Variants in ATP7B observed in about 807,000 individuals in gnomAD.
ATP7B encodes copper-transporting ATPase 2.
A neutral mutation model predicts 118.9 loss-of-function variants in ATP7B; 113 were observed. That is an observed-to-expected ratio of 0.95 (90% CI 0.82 to 1.11). The LOEUF (loss-of-function observed/expected upper bound fraction) is 1.11, where lower values mean the gene tolerates loss of function less well. ATP7B is among the 50% of genes most tolerant of loss of function. The probability of loss-of-function intolerance (pLI) is 0.00; values close to 1 mark genes in which losing one functional copy is unlikely to be tolerated. For missense variants in ATP7B, 1,867 were observed against 1,871.4 expected (o/e 1.00, Z 0.04); for synonymous variants, 777 against 727.4 (o/e 1.07, Z -1.10).
intron 7 of ATP7B, 52 bp from the exon 8 acceptor site, chr13:51,958,596 T>C (rs540048040): frequency 1.3e-6 from 2 of 1,537,546 alleles, no homozygotes; most frequent in South Asian, 2.2e-5. Flanking sequence ...GAGAGTTCAA[T>C]GAGCGACACA....
chr13:51,954,306 G>A (rs933067872), intron 9 of ATP7B, among the ~76,000 whole-genome samples: 2 of 152,252 alleles, frequency 1.3e-5, no homozygotes, highest in East Asian at 1.9e-4. Flanking sequence ...GCATGCAGGC[G>A]GATGCCGGGC....
intron 1 of ATP7B, among the ~76,000 whole-genome samples, chr13:51,975,727 C>T (rs1952079931): frequency 3.3e-5 from 5 of 152,214 alleles, no homozygotes; most frequent in South Asian, 2.1e-4. Flanking sequence ...TTCAGGTACA[C>T]GCTCCAAATG....
rs1279248478 is a variant in ATP7B, at chr13:51,964,948, G to A, written c.1793C>T (p.Ala598Val). ...AACAAGGGCTTTGCTGGTGGCAAGG[G>A]CAACGGAGGCATAAGTGATGCCATT... ...RTNGITYASV[A>V]LATSKALVKF... The change falls in exon 5 of 21, where the codon GCC becomes GTC. Residue 598 changes from alanine to valine, a missense_variant. Ala to Val is a moderately conservative substitution (Grantham distance 64). Coordinates refer to ENST00000242839, the MANE Select transcript of ATP7B (RefSeq NM_000053.4). 6.2e-7 allele frequency: 1 copy of A among 1,614,180 alleles called. No homozygotes were observed. The highest frequency in any genetic ancestry group is 8.5e-7 in the Non-Finnish European group (1 of 1,180,026).
chr13:51,940,934 G>A, intron 16 of ATP7B, 147 bp downstream of exon 16: 1 of 1,250,058 alleles, frequency 8.0e-7, no homozygotes, highest in Non-Finnish European at 1.1e-6. Context: ...AAGACAAAAA[G>A]ACAATCTTCT....
intron 1 of ATP7B, among the ~76,000 whole-genome samples, chr13:51,987,134 T>C (rs1216887299): frequency 6.6e-6 from 1 of 152,244 alleles, no homozygotes; most frequent in Non-Finnish European, 1.5e-5. Context: ...AAATTGTCTC[T>C]GTTTGCAGAT....
intron 2 of ATP7B, among the ~76,000 whole-genome samples, chr13:51,971,028 A>AC (rs947315489): frequency 2.0e-5 from 3 of 152,322 alleles, no homozygotes; most frequent in African/African-American, 7.2e-5. Context: ...CCACTGAGCT[A>AC]CCCCGTAACT....
chr13:51,939,102 C>T lies in ATP7B; in HGVS notation c.3648G>A (p.Val1216=). The T allele has an allele frequency of 6.2e-7, 1 of 1,614,222 alleles. No homozygotes were observed. The highest frequency in any genetic ancestry group is 1.3e-5 in the African/African-American group (1 of 75,058). Residue 1216 remains valine (V), a synonymous_variant, in exon 17 of 21, where the codon GTG becomes GTA. Coordinates refer to ENST00000242839, the MANE Select transcript of ATP7B (RefSeq NM_000053.4). ...VHTLQSMGVD[V]VLITGDNRKT... ...TCCGGTTGTCCCCCGTGATCAGAAC[C>T]ACGTCCACACCCATGCTCTGCAGCG...
chr13:52,001,548 C>T (rs1440590017), intron 1 of ATP7B, among the ~76,000 whole-genome samples: 1 of 152,096 alleles, frequency 6.6e-6, no homozygotes, highest in African/African-American at 2.4e-5. Context: ...CTCCAACATC[C>T]CATATCCAAA....
intron 1 of ATP7B, among the ~76,000 whole-genome samples, chr13:51,987,398 C>G (rs983520233): frequency 6.6e-6 from 1 of 152,140 alleles, no homozygotes; most frequent in Non-Finnish European, 1.5e-5. Context: ...AACCACTGCT[C>G]AAGGAAATAA....
At chr13:52,003,184 C>A (rs2140552914) in intron 1 of ATP7B, among the ~76,000 whole-genome samples, 1 of 152,332 alleles carries the variant, frequency 6.6e-6, no homozygotes, top group East Asian at 1.9e-4. Context: ...TAGGTTTCAG[C>A]CTATCTCAGC....
intron 9 of ATP7B, among the ~76,000 whole-genome samples, chr13:51,956,748 T>C (rs1958374341): frequency 6.6e-6 from 1 of 152,092 alleles, no homozygotes; most frequent in African/African-American, 2.4e-5. Flanking sequence ...TTGCCTAGAA[T>C]ATAAAAAAGA....
At position 51,939,104 on chromosome 13, in the gene ATP7B, C is replaced by G; in HGVS notation, c.3646G>C (p.Val1216Leu). The G allele has an allele frequency of 6.2e-7, 1 of 1,614,244 alleles. No homozygotes were observed. Residue 1216 changes from valine (V) to leucine (L), a missense_variant, in exon 17 of 21, where the codon GTG becomes CTG. Transcript: ENST00000242839. ...VHTLQSMGVD[V>L]VLITGDNRKT... ...CGGTTGTCCCCCGTGATCAGAACCA[C>G]GTCCACACCCATGCTCTGCAGCGTG...
chr13:51,970,557 T>G lies in ATP7B; in HGVS notation c.1478A>C (p.Gln493Pro). The G allele has an allele frequency of 1.2e-6, 2 of 1,614,168 alleles. No homozygotes were observed. The highest frequency in any genetic ancestry group is 2.2e-5 in the South Asian group (2 of 91,080). Residue 493 changes from glutamine (Q) to proline (P), a missense_variant, in exon 3 of 21, where the codon CAG (glutamine) becomes CCG (proline). Physicochemically the swap from Gln to Pro is moderately conservative, Grantham distance 76. Coordinates refer to ENST00000242839, the MANE Select transcript of ATP7B (RefSeq NM_000053.4). ...GGATGCACAGGTCATGCCTTTGATC[T>G]GTAAGAAGCACTTCTGCGGTGCCAC... ...RAVAPQKCFLQIKGMTCASCV... is the reference protein window; with the variant it reads ...RAVAPQKCFLPIKGMTCASCV...
At position 51,957,436 on chromosome 13, in the gene ATP7B, C is replaced by A. The variant is rs558284546; in HGVS notation, c.2447+80G>T. On this transcript the variant is annotated intron_variant, in intron 9 of 20. Coordinates refer to ENST00000242839, the MANE Select transcript of ATP7B (RefSeq NM_000053.4). The stretch of plus-strand genomic sequence containing the variant: ...ACACTCACAAGGTCTATTGCAATGT[C>A]AATACAACATGGGCATCTGATGCAG... 6 of 1,400,282 alleles carry A rather than the reference C, an allele frequency of 4.3e-6. No individual in the cohort carries two copies. In the South Asian group the frequency reaches 7.0e-5, roughly 16 times the overall value. The allele number at this position is 1,400,282 out of a possible 1,614,324, so 86.7% of individuals were successfully genotyped here.
intron 9 of ATP7B, among the ~76,000 whole-genome samples, chr13:51,954,680 C>T (rs1289721360): frequency 1.3e-5 from 2 of 152,052 alleles, no homozygotes; most frequent in Admixed American, 1.3e-4. Flanking sequence ...GGTACCTTTG[C>T]CTGAGACAGA....
intron 15 of ATP7B, 88 bp from the exon 16 acceptor site, chr13:51,941,312 C>T: frequency 2.0e-6 from 3 of 1,518,132 alleles, no homozygotes; most frequent in South Asian, 2.3e-5. Context: ...GCAAAATATC[C>T]TTTTAACCAT....
At chr13:51,950,227 C>A in intron 10 of ATP7B, 45 bp downstream of exon 10, 1 of 1,614,212 alleles carries the variant, frequency 6.2e-7, no homozygotes, top group South Asian at 1.1e-5. Context: ...GACCTGACAG[C>A]TGCTATGATA....
In ATP7B at chr13:51,965,000, T is replaced by C; in HGVS notation, c.1741A>G (p.Asn581Asp). Residue 581 changes from asparagine (N) to aspartate (D), a missense_variant, in exon 5 of 21, where the codon AAC (asparagine) becomes GAC (aspartate). Coordinates refer to ENST00000242839, the MANE Select transcript of ATP7B (RefSeq NM_000053.4). ...TGMTCASCVH[N>D]IESKLTRTNG... Reference sequence around the variant, plus strand: ...GTCCTCGTGAGTTTGGACTCTATGTTGTGGACACAGGACGCGCAGGTCATC... The same window carrying C: ...GTCCTCGTGAGTTTGGACTCTATGTCGTGGACACAGGACGCGCAGGTCATC... 6.2e-7 allele frequency: 1 copy of C among 1,614,138 alleles called. No individual in the cohort carries two copies. The highest frequency in any genetic ancestry group is 1.1e-5 in the South Asian group (1 of 91,088).
In ATP7B at chr13:51,947,069, G is replaced by A. The variant is rs144308670; in HGVS notation, c.2866-591C>T. On this transcript the variant is annotated intron_variant, in intron 12 of 20. Transcript: ENST00000242839. ...GATAAAAAATGGAAACAACCAATAC[G>A]GAATTGGTTAATTAAACTGTAGGTG... Among the ~76,000 whole-genome samples, 332 of 152,252 alleles carry A rather than the reference G, an allele frequency of 2.2e-3. 2 individuals are homozygous for A. The highest frequency in any genetic ancestry group is 7.1e-3 in the African/African-American group (294 of 41,530).
Sources: gnomAD v4.1 joint callset for allele counts (sites outside exome capture counted in the v4.1 genomes callset) on GRCh38, gnomAD v4.1.1 for gene constraint, MANE v1.5 for transcripts, NCBI Gene and HGNC (gene_info 2026-07-23, HGNC 2026-07-21) for gene names.